The following KRTAP27-1 variants were observed in gnomAD, a reference collection of about 807,000 sequenced individuals.
KRTAP27-1 encodes keratin-associated protein 27-1.
KRTAP27-1 carries 1 observed loss-of-function variant against 0.5 expected under a neutral mutation model. That is an observed-to-expected ratio of 1.90 (90% confidence interval 0.68 to 9.03). The LOEUF is 9.03. Among genes scored for constraint, KRTAP27-1 ranks in the 30% most tolerant of loss-of-function variants. The pLI is 0.13. For missense variants in KRTAP27-1, 264 were observed against 244.2 expected (o/e 1.08, Z -0.54); for synonymous variants, 103 against 88.9 (o/e 1.16, Z -0.89).
In KRTAP27-1 at chr21:30,337,335, C is replaced by T; in HGVS notation, c.334G>A (p.Val112Ile). The T allele has an allele frequency of 6.2e-7, 1 of 1,614,212 alleles. No individual in the cohort carries two copies. The highest frequency in any genetic ancestry group is 8.5e-7 in the Non-Finnish European group (1 of 1,180,040). Residue 112 changes from valine (V) to isoleucine (I), a missense_variant, in exon 1 of 1, where the codon GTT becomes ATT. Physicochemically the swap from Val to Ile is conservative, Grantham distance 29. Transcript: ENST00000382835. ...SESSSAGLAC[V>I]SQPCQSESTQ... ...CTTTCTGATTGGCAAGGCTGAGAAA[C>T]ACAAGCCAGCCCTGCTGAAGAACTT...
At chr21:30,337,518 G>A in the KRTAP27-1 span, 1 of 1,614,170 alleles carries the variant, frequency 6.2e-7, no homozygotes, top group Non-Finnish European at 8.5e-7. Context: ...CAGGTTTCTT[G>A]AAAGTTGTCC....
rs779848376 is a variant in KRTAP27-1 at position 30,337,043 on chromosome 21, C to T, written c.*2G>A. Reference sequence around the variant, plus strand: ...AATATAAGCCATCTCCCCTACAGATCTTCACTTACTAGGCAATTGAGAACC... The same window carrying T: ...AATATAAGCCATCTCCCCTACAGATTTTCACTTACTAGGCAATTGAGAACC... On this transcript the variant is annotated 3_prime_UTR_variant, in exon 1 of 1. Transcript: ENST00000382835. 93 of 1,581,098 alleles carry T rather than the reference C, an allele frequency of 5.9e-5. No homozygotes were observed. Among genetic ancestry groups the T allele is most frequent in the Non-Finnish European group, 6.0e-5 (70 of 1,161,474 alleles).
chr21:30,337,600 A>G lies in KRTAP27-1; in HGVS notation c.69T>C (p.His23=). Residue 23 remains histidine (H), a synonymous_variant, in exon 1 of 1, where the codon CAT becomes CAC. Transcript: ENST00000382835. ...HNAPPLSAIT[H]GTNPITFEDR... ...CTTCAAAGGTTATAGGATTAGTGCC[A>G]TGTGTGATGGCAGAGAGTGGTGGGG... 3.1e-6 allele frequency: 5 copies of G among 1,614,152 alleles called. No individual in the cohort carries two copies. The highest frequency in any genetic ancestry group is 4.2e-6 in the Non-Finnish European group (5 of 1,180,012).
chr21:30,337,248 A>C lies in KRTAP27-1; in HGVS notation c.421T>G (p.Cys141Gly), dbSNP rs770609791. Reference protein sequence around the residue: ...CQPASLKGNSCPPKTSKSKNF... With the variant: ...CQPASLKGNSGPPKTSKSKNF... Reference sequence around the variant, plus strand: ...TTAGACTTAGAAGTCTTGGGTGGGCAACTGTTTCCCTTGAGGCTTGCAGGT... The same window carrying C: ...TTAGACTTAGAAGTCTTGGGTGGGCCACTGTTTCCCTTGAGGCTTGCAGGT... Residue 141 changes from cysteine to glycine, a missense_variant, in exon 1 of 1, where the codon TGC becomes GGC. Transcript: ENST00000382835. The C allele has an allele frequency of 3.1e-6, 5 of 1,614,062 alleles. 1 individual carries two copies. The South Asian group carries it at 3.3e-5, about 11-fold the overall frequency.
At position 30,337,679 on chromosome 21, in the gene KRTAP27-1, A is replaced by T; in HGVS notation, c.-11T>A. On this transcript the variant is annotated 5_prime_UTR_variant, in exon 1 of 1. Transcript: ENST00000382835. The stretch of plus-strand genomic sequence containing the variant: ...GTGGCTATGAGGCATATTGCTAAAA[A>T]TCCTTAAAGATGGTCATAAGGACTC... 1 of 1,604,870 alleles carries T rather than the reference A, an allele frequency of 6.2e-7. No homozygotes were observed. The highest frequency in any genetic ancestry group is 8.5e-7 in the Non-Finnish European group (1 of 1,172,698).
At chr21:30,337,165 AG>A in the KRTAP27-1 span, 1 of 1,614,046 alleles carries the variant, frequency 6.2e-7, no homozygotes, top group Admixed American at 1.7e-5. Context: ...AACTGGATTC[AG>A]GGTTCTGAGA....
chr21:30,337,028 A>G lies in KRTAP27-1; in HGVS notation c.*17T>C, dbSNP rs367861580. 1.2e-5 allele frequency: 19 copies of G among 1,544,384 alleles called. No homozygotes were observed. The highest frequency in any genetic ancestry group is 2.1e-5 in the Admixed American group (1 of 47,414). On this transcript the variant is annotated 3_prime_UTR_variant, in exon 1 of 1. Coordinates refer to ENST00000382835, the MANE Select transcript of KRTAP27-1 (RefSeq NM_001077711.1). ...ATTCATCCAAATGAGAATATAAGCC[A>G]TCTCCCCTACAGATCTTCACTTACT...
chr21:30,337,411 T>C lies in KRTAP27-1; in HGVS notation c.258A>G (p.Gln86=), dbSNP rs1982062514. The C allele has an allele frequency of 6.2e-7, 1 of 1,614,198 alleles. No individual in the cohort carries two copies. Among genetic ancestry groups the C allele is most frequent in the East Asian group, 2.2e-5 (1 of 44,878 alleles). ...VQSNCFPGVV[Q]TTYSNSRPCE... ...AGGGCCTGGAATTGGAGTAAGTAGT[T>C]TGGACAACTCCGGGGAAGCAGTTAC... The change falls in exon 1 of 1, where the codon CAA becomes CAG. Residue 86 remains glutamine (Q), a synonymous_variant. Transcript: ENST00000382835.
Position 30,337,453 on chromosome 21 carries a change from G to T in KRTAP27-1, c.216C>A (p.Asp72Glu). The T allele has an allele frequency of 1.2e-6, 2 of 1,614,136 alleles. No homozygotes were observed. Among genetic ancestry groups the T allele is most frequent in the East Asian group, 4.5e-5 (2 of 44,876 alleles). Residue 72 changes from aspartate to glutamate, a missense_variant, in exon 1 of 1, where the codon GAC (aspartate) becomes GAA (glutamate). Asp to Glu is a conservative substitution (Grantham distance 45). Coordinates refer to ENST00000382835, the MANE Select transcript of KRTAP27-1 (RefSeq NM_001077711.1). ...MTNCEQDLFT[D>E]DSCVQSNCFP... ...AGCAGTTACTTTGCACACAGCTATC[G>T]TCTGTGAATAAGTCCTGTTCACAAT... is the stretch of plus-strand genomic sequence containing the variant.
rs879098931 is a variant in KRTAP27-1, at chr21:30,337,661, T to C, written c.8A>G (p.His3Arg). 3.1e-6 allele frequency: 5 copies of C among 1,609,220 alleles called. No individual in the cohort carries two copies. Among genetic ancestry groups the C allele is most frequent in the Admixed American group, 1.7e-5 (1 of 59,860 alleles). The change falls in exon 1 of 1, where the codon CAT becomes CGT. Residue 3 changes from histidine (H) to arginine (R), a missense_variant. Physicochemically the swap from His to Arg is conservative, Grantham distance 29. Transcript: ENST00000382835. MP[H>R]SHCHSLRSFH... Reference sequence around the variant, plus strand: ...GCTCCTGAGTGAATGGCAGTGGCTATGAGGCATATTGCTAAAAATCCTTAA... The same window carrying C: ...GCTCCTGAGTGAATGGCAGTGGCTACGAGGCATATTGCTAAAAATCCTTAA...
chr21:30,337,138 G>T lies in KRTAP27-1; in HGVS notation c.531C>A (p.Val177=). ...GGAGTTGTGGCTCAGGTGCAACATTGACCAGAGGTCTACAGGAACTGGATT... is the reference window on the plus strand; with the variant it reads ...GGAGTTGTGGCTCAGGTGCAACATTTACCAGAGGTCTACAGGAACTGGATT... ...NPESSSCRPL[V]NVAPEPQLLE... The change falls in exon 1 of 1, where the codon GTC becomes GTA. Residue 177 remains valine, a synonymous_variant. Coordinates refer to ENST00000382835, the MANE Select transcript of KRTAP27-1 (RefSeq NM_001077711.1). 1 of 1,614,052 alleles carries T rather than the reference G, an allele frequency of 6.2e-7. No homozygotes were observed. The highest frequency in any genetic ancestry group is 1.1e-5 in the South Asian group (1 of 91,054).
Position 30,337,252 on chromosome 21 carries a change from G to T in KRTAP27-1, c.417C>A (p.Asn139Lys). 1 of 1,614,156 alleles carries T rather than the reference G, an allele frequency of 6.2e-7. No individual in the cohort carries two copies. The highest frequency in any genetic ancestry group is 1.1e-5 in the South Asian group (1 of 91,088). Reference protein sequence around the residue: ...QSCQPASLKGNSCPPKTSKSK... With the variant: ...QSCQPASLKGKSCPPKTSKSK... Reference sequence around the variant, plus strand: ...ACTTAGAAGTCTTGGGTGGGCAACTGTTTCCCTTGAGGCTTGCAGGTTGGC... The same window carrying T: ...ACTTAGAAGTCTTGGGTGGGCAACTTTTTCCCTTGAGGCTTGCAGGTTGGC... Residue 139 changes from asparagine to lysine, a missense_variant, in exon 1 of 1, where the codon AAC becomes AAA. Physicochemically the swap from Asn to Lys is moderately conservative, Grantham distance 94. Transcript: ENST00000382835.
In KRTAP27-1 at chr21:30,337,372, C is replaced by T. The variant is rs1056914988; in HGVS notation, c.297G>A (p.Ala99=). Residue 99 remains alanine, a synonymous_variant, in exon 1 of 1, where the codon GCG becomes GCA. Coordinates refer to ENST00000382835, the MANE Select transcript of KRTAP27-1 (RefSeq NM_001077711.1). ...YSNSRPCERT[A]CQSESSSAGL... ...CTGCTGAAGAACTTTCTGATTGGCA[C>T]GCTGTCCTTTCGCAGGGCCTGGAAT... 8 of 1,613,758 alleles carry T rather than the reference C, an allele frequency of 5.0e-6. No individual in the cohort carries two copies. The Admixed American group carries it at 1.0e-4, about 20-fold the overall frequency.
Position 30,337,508 on chromosome 21 carries a change from C to A in KRTAP27-1, c.161G>T (p.Cys54Phe), listed in dbSNP as rs201091238. ...CATTTGGCAGCTGGTGGTTTCATTG[C>A]AGGTTTCTTGAAAGTTGTCCAGGAA... ...TCFLDNFQETCNETTSCQMTN... is the reference protein window; with the variant it reads ...TCFLDNFQETFNETTSCQMTN... Residue 54 changes from cysteine (C) to phenylalanine (F), a missense_variant, in exon 1 of 1, where the codon TGC becomes TTC. Physicochemically the swap from Cys to Phe is radical, Grantham distance 205. Coordinates refer to ENST00000382835, the MANE Select transcript of KRTAP27-1 (RefSeq NM_001077711.1). 8.1e-5 allele frequency: 131 copies of A among 1,614,046 alleles called. No individual in the cohort carries two copies. The Admixed American group carries it at 9.5e-4, about 12-fold the overall frequency.
At position 30,337,130 on chromosome 21, in the gene KRTAP27-1, G is replaced by A. The variant is rs1424699743; in HGVS notation, c.539C>T (p.Ala180Val). The change falls in exon 1 of 1, where the codon GCA becomes GTA. Residue 180 changes from alanine to valine, a missense_variant. Transcript: ENST00000382835. The stretch of plus-strand genomic sequence containing the variant: ...AGATTCCAGGAGTTGTGGCTCAGGT[G>A]CAACATTGACCAGAGGTCTACAGGA... ...SSSCRPLVNVAPEPQLLESSP... is the reference protein window; with the variant it reads ...SSSCRPLVNVVPEPQLLESSP... 6.2e-7 allele frequency: 1 copy of A among 1,613,980 alleles called. No individual in the cohort carries two copies. Among genetic ancestry groups the A allele is most frequent in the Non-Finnish European group, 8.5e-7 (1 of 1,179,964 alleles).
In KRTAP27-1 at chr21:30,337,410, T is replaced by A; in HGVS notation, c.259A>T (p.Thr87Ser). Reference protein sequence around the residue: ...QSNCFPGVVQTTYSNSRPCER... With the variant: ...QSNCFPGVVQSTYSNSRPCER... The stretch of plus-strand genomic sequence containing the variant: ...CAGGGCCTGGAATTGGAGTAAGTAG[T>A]TTGGACAACTCCGGGGAAGCAGTTA... Residue 87 changes from threonine to serine, a missense_variant, in exon 1 of 1, where the codon ACT (threonine) becomes TCT (serine). Coordinates refer to ENST00000382835, the MANE Select transcript of KRTAP27-1 (RefSeq NM_001077711.1). The A allele has an allele frequency of 6.2e-7, 1 of 1,614,088 alleles. No individual in the cohort carries two copies. The highest frequency in any genetic ancestry group is 8.5e-7 in the Non-Finnish European group (1 of 1,179,952).
At position 30,337,208 on chromosome 21, in the gene KRTAP27-1, A is replaced by G. The variant is rs367878712; in HGVS notation, c.461T>C (p.Leu154Pro). 7.4e-6 allele frequency: 12 copies of G among 1,614,014 alleles called. No homozygotes were observed. The highest frequency in any genetic ancestry group is 1.0e-5 in the Non-Finnish European group (12 of 1,180,000). The change falls in exon 1 of 1, where the codon CTG becomes CCG. Residue 154 changes from leucine (L) to proline (P), a missense_variant. Physicochemically the swap from Leu to Pro is moderately conservative, Grantham distance 98. Transcript: ENST00000382835. Reference protein sequence around the residue: ...KTSKSKNFETLERASSQCQCQ... With the variant: ...KTSKSKNFETPERASSQCQCQ... ...CTGACATTGGCTAGATGCACGTTCC[A>G]GAGTTTCGAAATTTTTAGACTTAGA...
rs1982065377 is a variant in KRTAP27-1, at chr21:30,337,483, C to A, written c.186G>T (p.Met62Ile). The A allele has an allele frequency of 6.2e-7, 1 of 1,614,042 alleles. No homozygotes were observed. The highest frequency in any genetic ancestry group is 8.5e-7 in the Non-Finnish European group (1 of 1,180,030). ...ETCNETTSCQ[M>I]TNCEQDLFTD... Reference sequence around the variant, plus strand: ...TGAATAAGTCCTGTTCACAATTGGTCATTTGGCAGCTGGTGGTTTCATTGC... The same window carrying A: ...TGAATAAGTCCTGTTCACAATTGGTAATTTGGCAGCTGGTGGTTTCATTGC... Residue 62 changes from methionine to isoleucine, a missense_variant, in exon 1 of 1, where the codon ATG becomes ATT. Physicochemically the swap from Met to Ile is conservative, Grantham distance 10. Coordinates refer to ENST00000382835, the MANE Select transcript of KRTAP27-1 (RefSeq NM_001077711.1).
In KRTAP27-1 at chr21:30,337,568, A is replaced by G; in HGVS notation, c.101T>C (p.Leu34Ser). Reference sequence around the variant, plus strand: ...GCTATGGAAGCTGCTGGGCAAACACAATCTGTCTTCAAAGGTTATAGGATT... The same window carrying G: ...GCTATGGAAGCTGCTGGGCAAACACGATCTGTCTTCAAAGGTTATAGGATT... ...GTNPITFEDRLCLPSSFHSRT... is the reference protein window; with the variant it reads ...GTNPITFEDRSCLPSSFHSRT... Residue 34 changes from leucine (L) to serine (S), a missense_variant, in exon 1 of 1, where the codon TTG becomes TCG. By Grantham distance (145) the Leu-to-Ser change is moderately radical. Coordinates refer to ENST00000382835, the MANE Select transcript of KRTAP27-1 (RefSeq NM_001077711.1). 1 of 1,614,168 alleles carries G rather than the reference A, an allele frequency of 6.2e-7. No homozygotes were observed. The highest frequency in any genetic ancestry group is 8.5e-7 in the Non-Finnish European group (1 of 1,180,028).
Sources: allele counts gnomAD v4.1 joint callset, GRCh38; gene constraint gnomAD v4.1.1; transcripts MANE v1.5; gene names NCBI Gene and HGNC (gene_info 2026-07-23, HGNC 2026-07-21).